Variants in EYS observed in about 807,000 individuals in gnomAD.
EYS encodes the protein EGF-like photoreceptor maintenance factor.
In EYS, 250 loss-of-function variants were observed where a neutral mutation model predicts 282.1. The observed-to-expected ratio is 0.89, with a 90% CI of 0.80 to 0.98. The LOEUF is 0.98. EYS is among the 50% of genes least tolerant of loss of function. The pLI, the probability that EYS is intolerant of heterozygous loss-of-function variation, is 0.00. For synonymous variants in EYS, 1,355 were observed against 1,282.9 expected, an observed-to-expected ratio of 1.06 and a Z score of -1.20; for missense variants, 4,016 against 3,709.0, an observed-to-expected ratio of 1.08 and a Z score of -2.15.
At chr6:64,137,407 G>A (rs1774197789) in intron 31 of EYS, among the ~76,000 whole-genome samples, 1 of 152,074 alleles carries the variant, frequency 6.6e-6, no homozygotes, top group South Asian at 2.1e-4. Flanking sequence ...ACTTGGCTAA[G>A]TAGTGCAAGA....
intron 21 of EYS, 58 bp downstream of exon 21, chr6:64,821,587 G>C: frequency 1.1e-6 from 1 of 900,082 alleles, no homozygotes; most frequent in Non-Finnish European, 1.7e-6. Flanking sequence ...CAAGCAATTT[G>C]ATTTTTCTTT....
intron 7 of EYS, among the ~76,000 whole-genome samples, chr6:65,396,667 T>C (rs1316535730): frequency 1.3e-5 from 2 of 152,118 alleles, no homozygotes; most frequent in African/African-American, 4.8e-5. Flanking sequence ...GAACTTACTT[T>C]AAATCCATGT....
intron 2 of EYS, among the ~76,000 whole-genome samples, chr6:65,496,624 C>A (rs1198785047): frequency 6.6e-6 from 1 of 151,928 alleles, no homozygotes; most frequent in African/African-American, 2.4e-5. Context: ...GAGAAGTACA[C>A]CTAATTAACA....
intron 29 of EYS, among the ~76,000 whole-genome samples, chr6:64,346,145 G>A (rs1206640425): frequency 7.2e-5 from 11 of 152,138 alleles, no homozygotes; most frequent in African/African-American, 2.6e-4. Context: ...TCAGTGTGGT[G>A]GTTCCTCAGG....
At chr6:65,438,800 A>C (rs540450031) in intron 5 of EYS, among the ~76,000 whole-genome samples, 1 of 151,932 alleles carries the variant, frequency 6.6e-6, no homozygotes, top group Non-Finnish European at 1.5e-5. Flanking sequence ...CCCATTTTCT[A>C]GGTTGCCTGT....
At chr6:64,566,416 T>C (rs1250798434) in intron 26 of EYS, among the ~76,000 whole-genome samples, 1 of 152,154 alleles carries the variant, frequency 6.6e-6, no homozygotes, top group Non-Finnish European at 1.5e-5. Flanking sequence ...ACTCTTATTG[T>C]CATCATTAAA....
chr6:65,688,592 C>T (rs1225112644), intron 1 of EYS, among the ~76,000 whole-genome samples: 1 of 151,104 alleles, frequency 6.6e-6, no homozygotes, highest in Non-Finnish European at 1.5e-5. Context: ...ACTAAACCTA[C>T]AGAATGGGAG....
chr6:64,806,168 A>G (rs1442187876), intron 22 of EYS, among the ~76,000 whole-genome samples: 2 of 151,864 alleles, frequency 1.3e-5, no homozygotes, highest in South Asian at 2.1e-4. Context: ...TTTTGAAAAT[A>G]TAATCTCTAT....
intron 36 of EYS, among the ~76,000 whole-genome samples, chr6:63,843,749 G>T (rs548410276): frequency 6.6e-6 from 1 of 152,286 alleles, no homozygotes; most frequent in South Asian, 2.1e-4. Context: ...TCTGGCAAGG[G>T]CAATCAGGTA....
At position 64,334,310 on chromosome 6, in the gene EYS, T is replaced by C. The variant is rs181028133; in HGVS notation, c.6079-27228A>G. Among the ~76,000 whole-genome samples, 8 of 152,176 alleles carry C rather than the reference T, an allele frequency of 5.3e-5. No individual in the cohort carries two copies. In the East Asian group the frequency reaches 1.2e-3, roughly 22 times the overall value. ...ACAGGGGCATGTGTATTAGGAAAAA[T>C]AAGGCCATCCTTTTTCCTACTCCCA... is the stretch of plus-strand genomic sequence containing the variant. On this transcript the variant is annotated intron_variant, in intron 29 of 42. Coordinates refer to ENST00000503581, the MANE Select transcript of EYS (RefSeq NM_001142800.2).
intron 41 of EYS, among the ~76,000 whole-genome samples, chr6:63,735,615 A>C (rs1218612035): frequency 6.6e-6 from 1 of 152,088 alleles, no homozygotes; most frequent in Admixed American, 6.6e-5. Flanking sequence ...TCCCGTAAAC[A>C]AGGATATTTT....
chr6:64,263,897 G>A (rs1026521373), intron 30 of EYS, among the ~76,000 whole-genome samples: 1 of 152,128 alleles, frequency 6.6e-6, no homozygotes. Context: ...AAAGCCTGCA[G>A]CTTCAAATAT....
intron 1 of EYS, among the ~76,000 whole-genome samples, chr6:65,697,662 C>T (rs548280436): frequency 1.4e-5 from 2 of 147,466 alleles, no homozygotes; most frequent in African/African-American, 2.5e-5. Flanking sequence ...CGATTGGGTC[C>T]GAGGCATTTA....
At chr6:65,402,389 G>T (rs1766542171) in intron 7 of EYS, 89 bp downstream of exon 7, 2 of 982,450 alleles carry the variant, frequency 2.0e-6, no homozygotes, top group Admixed American at 1.9e-5. Context: ...AAAAGTTAGG[G>T]TTAAAACCAG....
chr6:64,196,831 A>G (rs934696628), intron 31 of EYS, among the ~76,000 whole-genome samples: 5 of 151,984 alleles, frequency 3.3e-5, no homozygotes, highest in African/African-American at 1.2e-4. Context: ...CCAGCATGGC[A>G]CATGTATACA....
At chr6:64,473,437 G>C (rs1246295164) in intron 26 of EYS, among the ~76,000 whole-genome samples, 1 of 152,128 alleles carries the variant, frequency 6.6e-6, no homozygotes, top group African/African-American at 2.4e-5. Flanking sequence ...TCAGTCTGCA[G>C]TCAGTACCAA....
intron 31 of EYS, 122 bp downstream of exon 31, chr6:64,230,470 T>G (rs1766392308): frequency 1.9e-6 from 1 of 536,982 alleles, no homozygotes; most frequent in Non-Finnish European, 3.2e-6. Flanking sequence ...TAAATAAAAT[T>G]ATACAGCTGT....
intron 11 of EYS, among the ~76,000 whole-genome samples, chr6:65,321,512 A>C (rs1422904214): frequency 6.6e-6 from 1 of 152,072 alleles, no homozygotes; most frequent in Non-Finnish European, 1.5e-5. Context: ...AAAAAGACTT[A>C]ATGAAGAAGA....
intron 2 of EYS, among the ~76,000 whole-genome samples, chr6:65,539,636 T>C (rs1221680932): frequency 6.6e-6 from 1 of 152,220 alleles, no homozygotes; most frequent in Non-Finnish European, 1.5e-5. Context: ...GTTGTATTTC[T>C]AGCTACTAAG....
Sources: allele counts gnomAD v4.1 joint callset (sites outside exome capture counted in the v4.1 genomes callset), GRCh38; gene constraint gnomAD v4.1.1; transcripts MANE v1.5; gene names NCBI Gene and HGNC (gene_info 2026-07-23, HGNC 2026-07-21).